CNTNAP4: variants seen among roughly 807,000 people sequenced by gnomAD.
The protein encoded by CNTNAP4 is contactin associated protein family member 4, also known as contactin-associated protein-like 4.
Under a neutral mutation model 148.4 loss-of-function variants are expected in CNTNAP4, and 98 were observed. The observed-to-expected ratio is 0.66, with a 90% CI of 0.56 to 0.78. The LOEUF (loss-of-function observed/expected upper bound fraction) is 0.78. CNTNAP4 is among the 30% of genes least tolerant of loss of function. The pLI is 0.00. For synonymous variants in CNTNAP4, 730 were observed against 565.1 expected (o/e 1.29, Z -4.14); for missense variants, 1,935 against 1,565.6 (o/e 1.24, Z -3.98).
chr16:76,466,262 G>A (rs928520828), intron 9 of CNTNAP4, among the ~76,000 whole-genome samples: 1 of 152,120 alleles, frequency 6.6e-6, no homozygotes, highest in Non-Finnish European at 1.5e-5. Context: ...AGGCTGGGAA[G>A]GGTAGTGGAG....
At chr16:76,496,666 G>A (rs901584403) in intron 14 of CNTNAP4, among the ~76,000 whole-genome samples, 1 of 152,088 alleles carries the variant, frequency 6.6e-6, no homozygotes, top group Non-Finnish European at 1.5e-5. Context: ...AATTTATTGT[G>A]ATAAGGCTGT....
intron 21 of CNTNAP4, among the ~76,000 whole-genome samples, chr16:76,545,595 T>C (rs865942663): frequency 8.3e-4 from 124 of 149,890 alleles, no homozygotes; most frequent in African/African-American, 3.0e-3. Flanking sequence ...TAAAAAAAAA[T>C]ACCAAATGAT....
chr16:76,404,069 C>A (rs966953644), intron 3 of CNTNAP4, among the ~76,000 whole-genome samples: 3 of 151,800 alleles, frequency 2.0e-5, no homozygotes, highest in Non-Finnish European at 2.9e-5. Flanking sequence ...AAGATGGAGA[C>A]GAGCAGAAAA....
chr16:76,341,318 C>T (rs899139784), intron 2 of CNTNAP4, among the ~76,000 whole-genome samples: 1 of 152,104 alleles, frequency 6.6e-6, no homozygotes, highest in Non-Finnish European at 1.5e-5. Context: ...GATGGTGTTC[C>T]ATTGAAATGT....
At chr16:76,294,725 T>C (rs77730902) in intron 1 of CNTNAP4, among the ~76,000 whole-genome samples, 3,028 of 152,308 alleles carry the variant, frequency 0.02, 105 homozygotes, top group African/African-American at 0.068. Flanking sequence ...GGTTTCACTT[T>C]ACTCTGCACA....
chr16:76,467,331 G>T, intron 9 of CNTNAP4, 21 bp from the exon 10 acceptor site: 1 of 1,611,152 alleles, frequency 6.2e-7, no homozygotes, highest in Non-Finnish European at 8.5e-7. Context: ...ATGCGTACTG[G>T]ATTTATTTCG....
intron 3 of CNTNAP4, among the ~76,000 whole-genome samples, chr16:76,366,790 T>A (rs1246471279): frequency 6.6e-6 from 1 of 152,024 alleles, no homozygotes; most frequent in Non-Finnish European, 1.5e-5. Flanking sequence ...AGGAAAAAAA[T>A]GTAATAGAAT....
At chr16:76,335,496 G>C (rs1178583889) in intron 2 of CNTNAP4, among the ~76,000 whole-genome samples, 3 of 152,146 alleles carry the variant, frequency 2.0e-5, no homozygotes, top group Non-Finnish European at 4.4e-5. Flanking sequence ...CCTACTGAGA[G>C]GAAGGAGAGT....
intron 3 of CNTNAP4, among the ~76,000 whole-genome samples, chr16:76,392,990 C>T (rs2078079257): frequency 6.6e-6 from 1 of 152,140 alleles, no homozygotes; most frequent in South Asian, 2.1e-4. Flanking sequence ...GCATAATGGG[C>T]TTATCATTTT....
chr16:76,293,834 TTAA>T, intron 1 of CNTNAP4, among the ~76,000 whole-genome samples: 1 of 75,376 alleles, frequency 1.3e-5, no homozygotes, highest in African/African-American at 3.6e-5. Context: ...TTTTTTTTTT[TTAA>T]AAAAAAGGAT....
At chr16:76,466,430 T>C (rs2081178314) in intron 9 of CNTNAP4, among the ~76,000 whole-genome samples, 1 of 152,182 alleles carries the variant, frequency 6.6e-6, no homozygotes, top group African/African-American at 2.4e-5. Context: ...AAATGAAGGA[T>C]AAATGCTTTA....
intron 4 of CNTNAP4, among the ~76,000 whole-genome samples, chr16:76,433,856 T>C (rs1187725637): frequency 6.6e-6 from 1 of 152,116 alleles, no homozygotes; most frequent in Admixed American, 6.6e-5. Flanking sequence ...ATATAGTAGC[T>C]GAGAAATACT....
intron 2 of CNTNAP4, among the ~76,000 whole-genome samples, chr16:76,349,922 T>G (rs940815179): frequency 2.0e-5 from 3 of 152,110 alleles, no homozygotes; most frequent in Admixed American, 6.6e-5. Flanking sequence ...ATTTTTAATA[T>G]TACTACGGGA....
chr16:76,316,755 A>G (rs1006086098), intron 2 of CNTNAP4, among the ~76,000 whole-genome samples: 7 of 152,202 alleles, frequency 4.6e-5, no homozygotes, highest in Non-Finnish European at 8.8e-5. Flanking sequence ...AGCTTTTTAT[A>G]TATCTTACTA....
At chr16:76,313,979 C>G (rs549651395) in intron 1 of CNTNAP4, among the ~76,000 whole-genome samples, 43 of 152,134 alleles carry the variant, frequency 2.8e-4, no homozygotes, top group Non-Finnish European at 5.4e-4. Flanking sequence ...AAGATGACAT[C>G]GAATGAAGAA....
chr16:76,427,513 A>G lies in CNTNAP4; in HGVS notation c.452A>G (p.Lys151Arg), dbSNP rs2079452508. The G allele has an allele frequency of 1.2e-6, 2 of 1,613,316 alleles. No individual in the cohort carries two copies. The highest frequency in any genetic ancestry group is 3.3e-5 in the Admixed American group (2 of 59,940). ...TACTATAGACTCCAGCCTTCTATCA[A>G]AGCCAGATTTCTGCGCTTCATCCCT... Reference protein sequence around the residue: ...VVYYRLQPSIKARFLRFIPLE... With the variant: ...VVYYRLQPSIRARFLRFIPLE... The change falls in exon 4 of 24, where the codon AAA becomes AGA. Residue 151 changes from lysine (K) to arginine (R), a missense_variant. Transcript: ENST00000611870.
chr16:76,547,703 G>T (rs1233591000), intron 21 of CNTNAP4, among the ~76,000 whole-genome samples: 1 of 152,152 alleles, frequency 6.6e-6, no homozygotes, highest in Non-Finnish European at 1.5e-5. Context: ...AGTAGCTTTG[G>T]TGTATTTAGA....
intron 3 of CNTNAP4, among the ~76,000 whole-genome samples, chr16:76,360,919 C>G (rs1451821322): frequency 1.1e-4 from 16 of 150,778 alleles, no homozygotes; most frequent in Non-Finnish European, 2.4e-4. Flanking sequence ...TGGGTTCACA[C>G]CATTCTCCTG....
At chr16:76,395,234 T>C (rs2144792837) in intron 3 of CNTNAP4, among the ~76,000 whole-genome samples, 1 of 151,746 alleles carries the variant, frequency 6.6e-6, no homozygotes, top group South Asian at 2.1e-4. Context: ...ATATTATTAA[T>C]TTTTTTTAAC....
Sources: gnomAD v4.1 joint callset for allele counts (sites outside exome capture counted in the v4.1 genomes callset) on GRCh38, gnomAD v4.1.1 for gene constraint, MANE v1.5 for transcripts, NCBI Gene and HGNC (gene_info 2026-07-23, HGNC 2026-07-21) for gene names.